AP1M1: variants seen among roughly 807,000 people sequenced by gnomAD.
The protein encoded by AP1M1 is adaptor related protein complex 1 subunit mu 1.
A neutral mutation model predicts 57.1 loss-of-function variants in AP1M1; 18 were observed. The observed-to-expected ratio is 0.32, with a 90% CI of 0.22 to 0.47. The LOEUF is 0.47. Among genes scored for constraint, AP1M1 ranks in the 20% least tolerant of loss-of-function variants. AP1M1 has a pLI of 1.00. For synonymous variants in AP1M1, 241 were observed against 237.9 expected (o/e 1.01, Z -0.12); for missense variants, 362 against 593.5 (o/e 0.61, Z 4.05).
At chr19:16,229,318 C>A (rs1277770475) in intron 9 of AP1M1, among the ~76,000 whole-genome samples, 1 of 152,238 alleles carries the variant, frequency 6.6e-6, no homozygotes, top group Non-Finnish European at 1.5e-5. Flanking sequence ...TGCCTGCCAT[C>A]AAGGGGAACG....
intron 5 of AP1M1, among the ~76,000 whole-genome samples, chr19:16,224,862 G>A (rs906810193): frequency 7.2e-5 from 11 of 152,034 alleles, no homozygotes; most frequent in African/African-American, 1.7e-4. Flanking sequence ...TGAGGGTCCC[G>A]AGCTCCTGAG....
intron 5 of AP1M1, among the ~76,000 whole-genome samples, chr19:16,216,490 A>C (rs566139438): frequency 1.1e-4 from 16 of 151,286 alleles, no homozygotes; most frequent in African/African-American, 3.9e-4. Flanking sequence ...TGCAGTTTGG[A>C]GGAAAGAGGA....
chr19:16,212,875 G>A (rs1403341377), intron 5 of AP1M1, among the ~76,000 whole-genome samples: 3 of 152,138 alleles, frequency 2.0e-5, no homozygotes, highest in African/African-American at 7.2e-5. Flanking sequence ...TTGGGAGCAG[G>A]TTGTTTAATT....
intron 5 of AP1M1, 53 bp from the exon 6 acceptor site, chr19:16,226,368 G>T: frequency 1.3e-6 from 2 of 1,501,900 alleles, no homozygotes; most frequent in East Asian, 2.5e-5. Context: ...GTGGTAGGAG[G>T]CAGTGGCTGG....
chr19:16,220,236 G>A (rs1012773473), intron 5 of AP1M1, among the ~76,000 whole-genome samples: 1 of 152,036 alleles, frequency 6.6e-6, no homozygotes, highest in Admixed American at 6.5e-5. Context: ...TCAGGGCTTC[G>A]ATCTGTTGCC....
chr19:16,231,026 C>T (rs1023833789), intron 9 of AP1M1, among the ~76,000 whole-genome samples: 1 of 152,002 alleles, frequency 6.6e-6, no homozygotes, highest in East Asian at 1.9e-4. Flanking sequence ...CTGTGGCTCA[C>T]GCCTGTAATC....
chr19:16,203,489 G>A lies in AP1M1; in HGVS notation c.73G>A (p.Val25Met), dbSNP rs372560384. 10 of 1,614,104 alleles carry A rather than the reference G, an allele frequency of 6.2e-6. No homozygotes were observed. Among genetic ancestry groups the A allele is most frequent in the Admixed American group, 1.7e-5 (1 of 59,998 alleles). The change falls in exon 2 of 12, where the codon GTG becomes ATG. Residue 25 changes from valine (V) to methionine (M), a missense_variant. By Grantham distance (21) the Val-to-Met change is conservative. Transcript: ENST00000291439. The surrounding 1 kb of genome is among the most constrained non-coding windows in gnomAD (Gnocchi z 4.6). The part of the protein sequence containing the change: ...VLICRNYRGD[V>M]DMSEVEHFMP... Reference sequence around the variant, plus strand: ...CATCTGCCGGAACTACCGTGGCGACGTGGACATGTCAGAGGTGGAGCACTT... The same window carrying A: ...CATCTGCCGGAACTACCGTGGCGACATGGACATGTCAGAGGTGGAGCACTT...
At chr19:16,233,815 C>T (rs1350916677) in intron 10 of AP1M1, among the ~76,000 whole-genome samples, 197 bp downstream of exon 10, 2 of 152,170 alleles carry the variant, frequency 1.3e-5, no homozygotes, top group Admixed American at 6.5e-5. Context: ...TCAAAGCTCA[C>T]TCATTCTGCC....
At position 16,234,376 on chromosome 19, in the gene AP1M1, G is replaced by A. The variant is rs371038503; in HGVS notation, c.1250-37G>A. 126 of 1,613,842 alleles carry A rather than the reference G, an allele frequency of 7.8e-5. 1 individual carries two copies. Among genetic ancestry groups the A allele is most frequent in the Non-Finnish European group, 3.1e-5 (36 of 1,179,972 alleles). ...GTCGGGTCCCGAAAGCAGGGAGGGTGCAGAGCCCAGCATGACGCCTCCCTC... is the reference window on the plus strand; with the variant it reads ...GTCGGGTCCCGAAAGCAGGGAGGGTACAGAGCCCAGCATGACGCCTCCCTC... On this transcript the variant is annotated intron_variant, in intron 11 of 11. Coordinates refer to ENST00000291439, the MANE Select transcript of AP1M1 (RefSeq NM_032493.4).
chr19:16,203,146 C>T lies in AP1M1; in HGVS notation c.43-313C>T, dbSNP rs77225048. ...GCTCTGAGAAGGTCTGCATTGAGAG[C>T]TTGTGAGGCATTGCTTAACCTGATG... On this transcript the variant is annotated intron_variant, in intron 1 of 11. Transcript: ENST00000291439. This position sits in a 1 kb window ranked among gnomAD's most constrained non-coding sequence, Gnocchi z 4.6. The T allele has an allele frequency of 8.3e-6, 3 of 363,618 alleles. No individual in the cohort carries two copies. The highest frequency in any genetic ancestry group is 1.5e-5 in the Non-Finnish European group (3 of 194,338). The allele number at this position is 363,618 out of a possible 1,614,324, so 22.5% of individuals were successfully genotyped here.
chr19:16,225,829 TG>T (rs970712552), intron 5 of AP1M1, among the ~76,000 whole-genome samples: 16 of 151,860 alleles, frequency 1.1e-4, no homozygotes, highest in African/African-American at 3.1e-4. Context: ...TCATAAGCCC[TG>T]GGGGGTGAGG....
At chr19:16,202,453 G>A (rs1370075508) in intron 1 of AP1M1, among the ~76,000 whole-genome samples, 5 of 152,202 alleles carry the variant, frequency 3.3e-5, no homozygotes, top group African/African-American at 1.2e-4. Flanking sequence ...GCTCAGTCAT[G>A]TGGGAAGCCA....
At chr19:16,216,407 T>G (rs2091519363) in intron 5 of AP1M1, among the ~76,000 whole-genome samples, 1 of 150,670 alleles carries the variant, frequency 6.6e-6, no homozygotes, top group Non-Finnish European at 1.5e-5. Context: ...ATTGCACCAC[T>G]GCCCTCCAGC....
intron 2 of AP1M1, among the ~76,000 whole-genome samples, chr19:16,204,980 G>A (rs1028206251): frequency 2.2e-4 from 34 of 152,004 alleles, no homozygotes; most frequent in African/African-American, 7.0e-4. Context: ...ACAGGCGCCC[G>A]CCACCACGCC....
intron 9 of AP1M1, among the ~76,000 whole-genome samples, chr19:16,229,809 C>T (rs546965157): frequency 1.3e-5 from 2 of 152,196 alleles, no homozygotes; most frequent in African/African-American, 2.4e-5. Context: ...TTTCTTTCTG[C>T]GTATTTTGCT....
At position 16,236,313 on chromosome 19, in the gene AP1M1, C is replaced by T. The variant is rs1372391575; in HGVS notation, c.*1878C>T. Reference sequence around the variant, plus strand: ...TTTCCAGCAACTTATCAGATAAGACCTGCAAACCCTCCACTACAGACTGTA... The same window carrying T: ...TTTCCAGCAACTTATCAGATAAGACTTGCAAACCCTCCACTACAGACTGTA... On this transcript the variant is annotated 3_prime_UTR_variant, in exon 12 of 12. Coordinates refer to ENST00000291439, the MANE Select transcript of AP1M1 (RefSeq NM_032493.4). The T allele has an allele frequency of 2.0e-5, 3 of 152,328 alleles. No individual in the cohort carries two copies. The highest frequency in any genetic ancestry group is 7.2e-5 in the African/African-American group (3 of 41,470). 9.4% of individuals were successfully genotyped at this position (152,328 alleles called of 1,614,324 possible).
intron 9 of AP1M1, among the ~76,000 whole-genome samples, chr19:16,232,782 C>T (rs1455445633): frequency 2.0e-5 from 3 of 152,232 alleles, no homozygotes; most frequent in Non-Finnish European, 2.9e-5. Context: ...GTCCCAGGCA[C>T]AGCCAGAGCT....
In AP1M1 at chr19:16,238,722, CTT is replaced by C. The variant is rs34039189; in HGVS notation, c.*4303_*4304del. On this transcript the variant is annotated 3_prime_UTR_variant, in exon 12 of 12. Transcript: ENST00000291439. ...GCTTGTTCTGTATTCTTTCTTTATG[CTT>C]TTTTTTTTTTTTTTTGACAGGGTGT... The C allele has an allele frequency of 1.5e-3, 177 of 115,252 alleles. No individual in the cohort carries two copies. Among genetic ancestry groups the C allele is most frequent in the Middle Eastern group, 4.3e-3 (1 of 232 alleles). The allele number at this position is 115,252 out of a possible 1,614,324, so 7.1% of individuals were successfully genotyped here.
chr19:16,202,814 A>T (rs2091454201), intron 1 of AP1M1: 1 of 153,102 alleles, frequency 6.5e-6, no homozygotes, highest in African/African-American at 2.4e-5. Context: ...GTTTGTGCAG[A>T]CATGTGGTTT....
Sources: gnomAD v4.1 joint callset for allele counts (sites outside exome capture counted in the v4.1 genomes callset) on GRCh38, gnomAD v4.1.1 for gene constraint, Gnocchi (gnomAD v3.1) non-coding constraint, MANE v1.5 for transcripts, NCBI Gene and HGNC (gene_info 2026-07-23, HGNC 2026-07-21) for gene names.